The following ARHGEF11 variants were observed in gnomAD, a reference collection of about 807,000 sequenced individuals.
The protein encoded by ARHGEF11 is Rho guanine nucleotide exchange factor 11.
Under a neutral mutation model 193.7 loss-of-function variants are expected in ARHGEF11, and 55 were observed. The ratio of observed to expected loss-of-function variants is 0.28; its 90% CI spans 0.23 to 0.36. The LOEUF (loss-of-function observed/expected upper bound fraction) is 0.36, where lower values mean the gene tolerates loss of function less well. Ranked by LOEUF, ARHGEF11 falls within the 10% of genes least tolerant of loss-of-function variation. ARHGEF11 has a pLI of 1.00. For missense variants in ARHGEF11, 1,723 were observed against 2,005.6 expected (o/e 0.86, Z 2.69); for synonymous variants, 693 against 768.0 (o/e 0.90, Z 1.62).
Position 157,044,505 on chromosome 1 carries a change from A to T in ARHGEF11, c.-175T>A, listed in dbSNP as rs1673137166. The T allele has an allele frequency of 1.9e-6, 1 of 525,940 alleles. No individual in the cohort carries two copies. The highest frequency in any genetic ancestry group is 3.4e-6 in the Non-Finnish European group (1 of 290,988). The allele number at this position is 525,940 out of a possible 1,614,324, so 32.6% of individuals were successfully genotyped here. A position where few individuals can be genotyped will look rare whatever the true frequency, so the allele number is the denominator to read the frequency against. On this transcript the variant is annotated 5_prime_UTR_variant, in exon 1 of 41. Coordinates refer to ENST00000368194, the MANE Select transcript of ARHGEF11 (RefSeq NM_198236.3). ...ACTGATGCTCCACTCTACTTCTACC[A>T]GTGAACATGATTTCCTTTCTCAGCC...
chr1:157,012,965 C>T (rs1179624015), intron 1 of ARHGEF11, among the ~76,000 whole-genome samples: 1 of 152,158 alleles, frequency 6.6e-6, no homozygotes, highest in Non-Finnish European at 1.5e-5. Flanking sequence ...ATTTCCCTTC[C>T]TTGTCTGGTG....
intron 1 of ARHGEF11, among the ~76,000 whole-genome samples, chr1:157,026,512 G>C (rs1364579041): frequency 6.6e-6 from 1 of 152,126 alleles, no homozygotes; most frequent in Non-Finnish European, 1.5e-5. Flanking sequence ...GAGAAGGTAG[G>C]GCTAGAACTG....
intron 1 of ARHGEF11, among the ~76,000 whole-genome samples, chr1:157,023,905 G>A (rs1200553667): frequency 6.6e-6 from 1 of 152,140 alleles, no homozygotes; most frequent in African/African-American, 2.4e-5. Flanking sequence ...TAAACACAGA[G>A]CTAACATATG....
Position 156,958,791 on chromosome 1 carries a change from G to C in ARHGEF11, c.1453C>G (p.Arg485Gly), listed in dbSNP as rs142205816. 20 of 1,614,050 alleles carry C rather than the reference G, an allele frequency of 1.2e-5. No homozygotes were observed. The African/African-American group carries it at 2.3e-4, about 18-fold the overall frequency. The change falls in exon 17 of 41, where the codon CGA becomes GGA. Residue 485 changes from arginine (R) to glycine (G), a missense_variant. Transcript: ENST00000368194. ...DLLDLDGDPL[R>G]ERQVAEKQLA... is the part of the protein sequence containing the mutation. ...TGCTTCTCAGCCACTTGGCGCTCTC[G>C]GAGAGGGTCCCCATCCAGGTCCAGC...
chr1:156,944,209 T>C (rs901820940), intron 31 of ARHGEF11, 107 bp from the exon 32 acceptor site: 7 of 1,449,318 alleles, frequency 4.8e-6, no homozygotes, highest in Middle Eastern at 1.8e-4. Flanking sequence ...CCTGGGAGTC[T>C]GGTGACCCCA....
At chr1:156,971,472 G>C (rs889796082) in intron 8 of ARHGEF11, among the ~76,000 whole-genome samples, 1 of 152,194 alleles carries the variant, frequency 6.6e-6, no homozygotes, top group African/African-American at 2.4e-5. Context: ...TATGTTGTTG[G>C]AGGGCAAGAA....
chr1:156,982,744 G>C lies in ARHGEF11; in HGVS notation c.223+1595C>G, dbSNP rs565406412. On this transcript the variant is annotated intron_variant, in intron 3 of 40. Transcript: ENST00000368194. ...ATTTTCTGTACCAGATAGACCAGCA[G>C]AGGAAAAGTACAAGTTACTGGCAGT... is the stretch of plus-strand genomic sequence containing the variant. Among the ~76,000 whole-genome samples the C allele has an allele frequency of 2.6e-5, 4 of 152,296 alleles. No individual in the cohort carries two copies. The South Asian group carries it at 8.3e-4, about 32-fold the overall frequency.
chr1:157,000,289 T>C (rs1285406000), intron 1 of ARHGEF11, among the ~76,000 whole-genome samples: 2 of 152,236 alleles, frequency 1.3e-5, no homozygotes, highest in Admixed American at 6.5e-5. Flanking sequence ...TTTTACCTAA[T>C]GTTTTCCTGA....
At chr1:156,989,285 C>T (rs994788869) in intron 1 of ARHGEF11, among the ~76,000 whole-genome samples, 18 of 152,036 alleles carry the variant, frequency 1.2e-4, no homozygotes, top group Admixed American at 1.2e-3. Flanking sequence ...CCCAGACTCG[C>T]TCCTTTCTTT....
chr1:156,955,901 T>A, intron 19 of ARHGEF11, 102 bp from the exon 20 acceptor site: 1 of 880,790 alleles, frequency 1.1e-6, no homozygotes, highest in Non-Finnish European at 1.9e-6. Flanking sequence ...CCTCAGCAAG[T>A]AACTGGAGAG....
At chr1:157,017,889 A>G (rs1272658467) in intron 1 of ARHGEF11, among the ~76,000 whole-genome samples, 1 of 152,136 alleles carries the variant, frequency 6.6e-6, no homozygotes, top group Non-Finnish European at 1.5e-5. Flanking sequence ...ATGAAGAGGT[A>G]AAACTGTCAT....
At chr1:156,938,862 G>C (rs1011078200) in intron 37 of ARHGEF11, 1 of 275,264 alleles carries the variant, frequency 3.6e-6, no homozygotes, top group African/African-American at 2.2e-5. Flanking sequence ...CCCAGGCTTT[G>C]TTCTACTTTT....
At position 156,979,213 on chromosome 1, in the gene ARHGEF11, CCT is replaced by C. The variant is rs764958138; in HGVS notation, c.331+14_331+15del. 8 of 1,613,298 alleles carry C rather than the reference CCT, an allele frequency of 5.0e-6. No individual in the cohort carries two copies. Among genetic ancestry groups the C allele is most frequent in the Non-Finnish European group, 6.8e-6 (8 of 1,179,314 alleles). ...ATCTGCTTCCCTACTTTAGTTGTCA[CCT>C]CTCTCCAACTCACATTTGATCAGCT... On this transcript the variant is annotated intron_variant, in intron 5 of 40. Transcript: ENST00000368194.
At chr1:157,012,215 G>T (rs1043533179) in intron 1 of ARHGEF11, among the ~76,000 whole-genome samples, 1 of 152,176 alleles carries the variant, frequency 6.6e-6, no homozygotes, top group Non-Finnish European at 1.5e-5. Context: ...TATGCTAAGT[G>T]AAAGACGCCA....
At chr1:156,963,464 G>A (rs957856118) in intron 12 of ARHGEF11, 56 bp downstream of exon 12, 8 of 1,575,160 alleles carry the variant, frequency 5.1e-6, no homozygotes, top group South Asian at 3.3e-5. Context: ...TTCTAGTCAA[G>A]AGCAGCTTGT....
At chr1:156,996,188 T>G (rs1483770127) in intron 1 of ARHGEF11, among the ~76,000 whole-genome samples, 1 of 152,202 alleles carries the variant, frequency 6.6e-6, no homozygotes, top group Non-Finnish European at 1.5e-5. Flanking sequence ...AAGAACTATT[T>G]AAGCTCCTAA....
chr1:157,037,828 C>T (rs574073221), intron 1 of ARHGEF11, among the ~76,000 whole-genome samples: 1 of 151,724 alleles, frequency 6.6e-6, no homozygotes, highest in Admixed American at 6.6e-5. Context: ...GTCAGGAGTT[C>T]GAGACCAGTC....
chr1:156,936,263 T>TA (rs777461446), intron 40 of ARHGEF11: 1 of 752,126 alleles, frequency 1.3e-6, no homozygotes, highest in South Asian at 1.4e-5. Flanking sequence ...GTCAGGTAGG[T>TA]ATGTGCCTTG....
At chr1:157,018,951 C>G (rs573227995) in intron 1 of ARHGEF11, among the ~76,000 whole-genome samples, 20 of 152,178 alleles carry the variant, frequency 1.3e-4, no homozygotes, top group African/African-American at 4.3e-4. Flanking sequence ...TTAACCTCAA[C>G]TCTTCTCTCA....
Sources: allele counts gnomAD v4.1 joint callset (sites outside exome capture counted in the v4.1 genomes callset), GRCh38; gene constraint gnomAD v4.1.1; transcripts MANE v1.5; gene names NCBI Gene and HGNC (gene_info 2026-07-23, HGNC 2026-07-21).